The following VAV3 variants were observed in gnomAD, a reference collection of about 807,000 sequenced individuals.
VAV3 encodes guanine nucleotide exchange factor VAV3.
VAV3 carries 94 observed loss-of-function variants against 131.2 expected under a neutral mutation model. That is an observed-to-expected ratio of 0.72 (90% CI 0.61 to 0.85). VAV3 has a LOEUF of 0.85. Ranked by LOEUF, VAV3 falls within the 40% of genes least tolerant of loss-of-function variation. The pLI is 0.00. For missense variants in VAV3, 939 were observed against 1,002.7 expected, an observed-to-expected ratio of 0.94 and a Z score of 0.86; for synonymous variants, 349 against 342.0, an observed-to-expected ratio of 1.02 and a Z score of -0.22.
intron 19 of VAV3, among the ~76,000 whole-genome samples, chr1:107,658,871 T>G (rs1364195161): frequency 6.6e-6 from 1 of 152,122 alleles, no homozygotes; most frequent in South Asian, 2.1e-4. Context: ...ATGAGTAGGT[T>G]GCAAAAATTT....
rs531777890 is a variant in VAV3 at position 107,648,557 on chromosome 1, A to C, written c.1778-5802T>G. Reference sequence around the variant, plus strand: ...CTTGGCAGACCCCTGGCAAACAGCTATTCCCAGGGATGTAAGGAATCCAGT... The same window carrying C: ...CTTGGCAGACCCCTGGCAAACAGCTCTTCCCAGGGATGTAAGGAATCCAGT... On this transcript the variant is annotated intron_variant, in intron 19 of 26. Transcript: ENST00000370056. Among the ~76,000 whole-genome samples the C allele has an allele frequency of 8.9e-4, 135 of 152,168 alleles. 1 individual carries two copies. The highest frequency in any genetic ancestry group is 2.2e-3 in the Admixed American group (34 of 15,248).
chr1:107,792,711 C>G (rs1448207305), intron 2 of VAV3, among the ~76,000 whole-genome samples: 1 of 152,086 alleles, frequency 6.6e-6, no homozygotes, highest in African/African-American at 2.4e-5. Context: ...AACTTAGGGA[C>G]TTAGTGTTTA....
At chr1:107,868,257 T>A (rs994788852) in intron 2 of VAV3, among the ~76,000 whole-genome samples, 1 of 152,172 alleles carries the variant, frequency 6.6e-6, no homozygotes, top group African/African-American at 2.4e-5. Context: ...GTCAAACAAG[T>A]ACCTAAAAAG....
chr1:107,657,848 T>A (rs1361837700), intron 19 of VAV3, among the ~76,000 whole-genome samples: 1 of 152,208 alleles, frequency 6.6e-6, no homozygotes, highest in African/African-American at 2.4e-5. Flanking sequence ...ACTGGTGTTG[T>A]TAAAAATGTT....
intron 25 of VAV3, among the ~76,000 whole-genome samples, chr1:107,587,202 C>A (rs1057232433): frequency 6.6e-6 from 1 of 152,090 alleles, no homozygotes; most frequent in Non-Finnish European, 1.5e-5. Context: ...ATGCACGAAG[C>A]AATGAATGAA....
At chr1:107,770,860 T>G in intron 5 of VAV3, 132 bp from the exon 6 acceptor site, 1 of 650,928 alleles carries the variant, frequency 1.5e-6, no homozygotes, top group Admixed American at 3.2e-5. Context: ...GAAAGACATC[T>G]AACTGCATTT....
intron 19 of VAV3, among the ~76,000 whole-genome samples, chr1:107,675,616 C>A (rs1401370793): frequency 6.6e-6 from 1 of 152,126 alleles, no homozygotes; most frequent in African/African-American, 2.4e-5. Context: ...AAATTTAATG[C>A]CTTAAGAGCT....
chr1:107,651,911 G>A (rs1656202148), intron 19 of VAV3, among the ~76,000 whole-genome samples: 1 of 151,986 alleles, frequency 6.6e-6, no homozygotes. Flanking sequence ...GTTTCATCTT[G>A]TTCCAGCCTC....
chr1:107,791,688 A>G (rs1666295293), intron 2 of VAV3, among the ~76,000 whole-genome samples: 2 of 152,316 alleles, frequency 1.3e-5, no homozygotes, highest in South Asian at 4.1e-4. Flanking sequence ...TGATTCTAGT[A>G]TGCAGCCAGG....
chr1:107,828,523 C>G (rs561655076), intron 2 of VAV3, among the ~76,000 whole-genome samples: 1 of 152,174 alleles, frequency 6.6e-6, no homozygotes, highest in African/African-American at 2.4e-5. Flanking sequence ...ACAAAAATCA[C>G]GGGGTTGGCA....
At chr1:107,670,730 C>T (rs1232343125) in intron 19 of VAV3, among the ~76,000 whole-genome samples, 1 of 152,040 alleles carries the variant, frequency 6.6e-6, no homozygotes, top group East Asian at 1.9e-4. Flanking sequence ...TTTTTTTCCT[C>T]CCTCAAATCT....
Position 107,757,273 on chromosome 1 carries a change from A to G in VAV3, c.1074T>C (p.Leu358=). ...PTEKANLKLA[L]DAMKDLAQYV... is the part of the protein sequence containing the mutation. ...GAATCTGCCCTACCTTCATGGCATCAAGAGCCAGTTTCAGATTTGCCTTCT... is the reference window on the plus strand; with the variant it reads ...GAATCTGCCCTACCTTCATGGCATCGAGAGCCAGTTTCAGATTTGCCTTCT... The change falls in exon 11 of 27, where the codon CTT becomes CTC. Residue 358 remains leucine (L), a synonymous_variant. Coordinates refer to ENST00000370056, the MANE Select transcript of VAV3 (RefSeq NM_006113.5). The G allele has an allele frequency of 6.2e-7, 1 of 1,613,356 alleles. No individual in the cohort carries two copies.
At chr1:107,791,141 T>C (rs4914961) in intron 2 of VAV3, among the ~76,000 whole-genome samples, 115,690 of 152,038 alleles carry the variant, frequency 0.76, 44,297 homozygotes, top group Non-Finnish European at 0.81. Context: ...CTGGGCATGT[T>C]TGCTGTGATT....
chr1:107,711,550 A>G (rs1660783914), intron 15 of VAV3, among the ~76,000 whole-genome samples: 1 of 152,214 alleles, frequency 6.6e-6, no homozygotes, highest in African/African-American at 2.4e-5. Context: ...CAACCCTGTA[A>G]GCAAATCCTT....
intron 17 of VAV3, among the ~76,000 whole-genome samples, chr1:107,696,664 AG>A (rs563959989): frequency 3.3e-5 from 5 of 152,102 alleles, no homozygotes; most frequent in African/African-American, 2.4e-5. Flanking sequence ...TTTAATATTA[AG>A]GGGGGGTCTG....
At chr1:107,658,385 T>C (rs934253506) in intron 19 of VAV3, among the ~76,000 whole-genome samples, 2 of 152,224 alleles carry the variant, frequency 1.3e-5, no homozygotes, top group African/African-American at 4.8e-5. Flanking sequence ...TCTTTGCTAT[T>C]GTGAATAGTG....
intron 2 of VAV3, among the ~76,000 whole-genome samples, chr1:107,846,384 CATA>C (rs1307209909): frequency 6.6e-6 from 1 of 152,130 alleles, no homozygotes; most frequent in African/African-American, 2.4e-5. Context: ...GAAGAAACTG[CATA>C]ATGACAGGAT....
At chr1:107,952,133 T>C (rs1674566771) in intron 1 of VAV3, among the ~76,000 whole-genome samples, 1 of 152,152 alleles carries the variant, frequency 6.6e-6, no homozygotes, top group East Asian at 1.9e-4. Flanking sequence ...TGGAATACTA[T>C]GCAGAATGAG....
intron 1 of VAV3, among the ~76,000 whole-genome samples, chr1:107,894,832 C>T (rs1361471527): frequency 1.3e-5 from 2 of 152,212 alleles, no homozygotes; most frequent in African/African-American, 2.4e-5. Context: ...AGAATAAATG[C>T]ACATTCCTGG....
Sources: gnomAD v4.1 joint callset for allele counts (sites outside exome capture counted in the v4.1 genomes callset) on GRCh38, gnomAD v4.1.1 for gene constraint, MANE v1.5 for transcripts, NCBI Gene and HGNC (gene_info 2026-07-23, HGNC 2026-07-21) for gene names.